The following REC114 variants were observed in gnomAD, a reference collection of about 807,000 sequenced individuals.
REC114 encodes the protein REC114 meiotic recombination protein.
In REC114, 27 loss-of-function variants were observed where a neutral mutation model predicts 31.3. The observed-to-expected ratio is 0.86, with a 90% CI of 0.64 to 1.19. The LOEUF (loss-of-function observed/expected upper bound fraction) is 1.19, where lower values mean the gene tolerates loss of function less well. REC114 is among the 50% of genes most tolerant of loss of function. The pLI, the probability that REC114 is intolerant of heterozygous loss-of-function variation, is 0.00. For synonymous variants in REC114, 134 were observed against 127.7 expected (o/e 1.05, Z -0.33); for missense variants, 344 against 326.9 (o/e 1.05, Z -0.40).
At chr15:73,491,374 G>A (rs1316862833) in intron 2 of REC114, among the ~76,000 whole-genome samples, 1 of 148,946 alleles carries the variant, frequency 6.7e-6, no homozygotes, top group Non-Finnish European at 1.5e-5. Context: ...ATTTCTTTGT[G>A]TATTATCTTA....
chr15:73,458,369 T>C (rs1208506340), intron 1 of REC114, among the ~76,000 whole-genome samples: 1 of 152,168 alleles, frequency 6.6e-6, no homozygotes, highest in Non-Finnish European at 1.5e-5. Context: ...CTCAAGCCAT[T>C]GCTTCTTCTG....
intron 4 of REC114, among the ~76,000 whole-genome samples, chr15:73,551,441 T>C (rs1894391669): frequency 6.6e-6 from 1 of 152,068 alleles, no homozygotes; most frequent in Non-Finnish European, 1.5e-5. Context: ...AGGTCAAAAT[T>C]ATTTTTCTTA....
chr15:73,451,050 G>C (rs932210535), intron 1 of REC114, among the ~76,000 whole-genome samples: 17 of 152,022 alleles, frequency 1.1e-4, no homozygotes, highest in African/African-American at 3.9e-4. Context: ...CCTAAGGTTG[G>C]CACCCTAACA....
intron 3 of REC114, among the ~76,000 whole-genome samples, chr15:73,548,370 G>C (rs1490023375): frequency 2.0e-5 from 3 of 152,216 alleles, no homozygotes; most frequent in Non-Finnish European, 2.9e-5. Context: ...GCCACCCAAA[G>C]AGCTGGGATT....
chr15:73,446,677 A>G (rs928259438), intron 1 of REC114, among the ~76,000 whole-genome samples: 3 of 152,092 alleles, frequency 2.0e-5, no homozygotes, highest in Non-Finnish European at 4.4e-5. Flanking sequence ...TACAGAGGCC[A>G]CAACATACCT....
At chr15:73,558,948 A>G (rs1266073293) in intron 5 of REC114, among the ~76,000 whole-genome samples, 2 of 152,242 alleles carry the variant, frequency 1.3e-5, no homozygotes, top group African/African-American at 2.4e-5. Flanking sequence ...CATCCATGCA[A>G]TGTAATACTT....
chr15:73,466,399 A>G (rs1893059826), intron 1 of REC114, among the ~76,000 whole-genome samples: 1 of 151,924 alleles, frequency 6.6e-6, no homozygotes, highest in Admixed American at 6.5e-5. Context: ...CCAAAAATAC[A>G]AAAAATTAGC....
At chr15:73,543,433 G>A (rs903618662) in intron 3 of REC114, among the ~76,000 whole-genome samples, 4 of 152,036 alleles carry the variant, frequency 2.6e-5, no homozygotes. Flanking sequence ...GTGTTCAAGC[G>A]ATTCTCCTGC....
At chr15:73,483,122 A>T (rs933450347) in intron 2 of REC114, 1 of 151,962 alleles carries the variant, frequency 6.6e-6, no homozygotes, top group East Asian at 1.9e-4. Context: ...TCTTTTATGT[A>T]TTTGTTGCCC....
Position 73,540,489 on chromosome 15 carries a change from G to T in REC114, c.254G>T (p.Gly85Val). Residue 85 changes from glycine (G) to valine (V), a missense_variant, in exon 3 of 6, where the codon GGG becomes GTG. Transcript: ENST00000331090. ...FIFQGQTLLE[G>V]FSLIGSKDWL... ...TTTTGCCTAATTTTGTTTCAGGAAG[G>T]GTTTTCACTCATTGGTAGCAAGGAC... 6 of 1,613,538 alleles carry T rather than the reference G, an allele frequency of 3.7e-6. No homozygotes were observed. The highest frequency in any genetic ancestry group is 4.2e-6 in the Non-Finnish European group (5 of 1,179,578).
intron 3 of REC114, among the ~76,000 whole-genome samples, chr15:73,544,492 G>A (rs1410616549): frequency 6.6e-6 from 1 of 152,052 alleles, no homozygotes; most frequent in Non-Finnish European, 1.5e-5. Context: ...AAATAAGTAG[G>A]TTGAATAAAT....
At chr15:73,451,878 A>G (rs969673261) in intron 1 of REC114, among the ~76,000 whole-genome samples, 3 of 152,230 alleles carry the variant, frequency 2.0e-5, no homozygotes, top group African/African-American at 7.2e-5. Flanking sequence ...ACCAATGACA[A>G]AAACCACATG....
At chr15:73,543,394 G>A (rs1220898425) in intron 3 of REC114, among the ~76,000 whole-genome samples, 6 of 152,192 alleles carry the variant, frequency 3.9e-5, no homozygotes, top group African/African-American at 1.2e-4. Context: ...GTGCAATGGC[G>A]TGATCTCAGC....
At chr15:73,481,110 A>G (rs1396525635) in intron 2 of REC114, among the ~76,000 whole-genome samples, 1 of 152,196 alleles carries the variant, frequency 6.6e-6, no homozygotes, top group Non-Finnish European at 1.5e-5. Context: ...TGGAAGCTGC[A>G]TCCATAAAAC....
chr15:73,490,525 A>C (rs1187420750), intron 2 of REC114, among the ~76,000 whole-genome samples: 1 of 152,092 alleles, frequency 6.6e-6, no homozygotes, highest in South Asian at 2.1e-4. Flanking sequence ...ACCTGGCAAC[A>C]TAATGAGACC....
chr15:73,493,560 A>T (rs1386581540), intron 2 of REC114, among the ~76,000 whole-genome samples: 2 of 151,928 alleles, frequency 1.3e-5, no homozygotes, highest in Non-Finnish European at 2.9e-5. Context: ...GATGTCTCAT[A>T]TGTAGAGGCC....
chr15:73,486,950 G>A (rs1893379258), intron 2 of REC114, among the ~76,000 whole-genome samples: 1 of 152,076 alleles, frequency 6.6e-6, no homozygotes, highest in Non-Finnish European at 1.5e-5. Context: ...GAACCCAAGA[G>A]GTGGAGGTTG....
rs150746524 is a variant in REC114 at position 73,499,184 on chromosome 15, G to A, written c.249+25263G>A. ...TTAACACTTCTGAATGAATTACTCC[G>A]ATTCCTTTAGGTTGGTGCAAAAGTA... On this transcript the variant is annotated intron_variant, in intron 2 of 5. Coordinates refer to ENST00000331090, the MANE Select transcript of REC114 (RefSeq NM_001042367.2). Among the ~76,000 whole-genome samples, 51 of 152,012 alleles carry A rather than the reference G, an allele frequency of 3.4e-4. No individual in the cohort carries two copies. The Middle Eastern group carries it at 0.014, about 41-fold the overall frequency.
intron 1 of REC114, among the ~76,000 whole-genome samples, chr15:73,449,967 C>T (rs1567845336): frequency 6.6e-6 from 1 of 152,162 alleles, no homozygotes; most frequent in Non-Finnish European, 1.5e-5. Flanking sequence ...TTGTCACCAC[C>T]AGGCCTGCCT....
Sources: allele counts gnomAD v4.1 joint callset (sites outside exome capture counted in the v4.1 genomes callset), GRCh38; gene constraint gnomAD v4.1.1; transcripts MANE v1.5; gene names NCBI Gene and HGNC (gene_info 2026-07-23, HGNC 2026-07-21).